Variants in DIAPH1 observed in about 807,000 individuals in gnomAD.
DIAPH1 encodes the protein diaphanous related formin 1.
In DIAPH1, 46 loss-of-function variants were observed where a neutral mutation model predicts 140.7. The ratio of observed to expected loss-of-function variants is 0.33; its 90% confidence interval spans 0.26 to 0.42. DIAPH1 has a LOEUF of 0.42. Ranked by LOEUF, DIAPH1 falls within the 10% of genes least tolerant of loss-of-function variation. The probability of loss-of-function intolerance (pLI) is 1.00; values close to 1 mark genes in which losing one functional copy is unlikely to be tolerated. For missense variants in DIAPH1, 1,310 were observed against 1,558.7 expected (o/e 0.84, Z 2.69); for synonymous variants, 565 against 551.6 (o/e 1.02, Z -0.34).
At position 141,573,778 on chromosome 5, in the gene DIAPH1, G is replaced by A; in HGVS notation, c.2072C>T (p.Pro691Leu). 1 of 1,441,838 alleles carries A rather than the reference G, an allele frequency of 6.9e-7. No homozygotes were observed. Among genetic ancestry groups the A allele is most frequent in the Non-Finnish European group, 9.3e-7 (1 of 1,077,178 alleles). 89.3% of individuals were successfully genotyped at this position (1,441,838 alleles called of 1,614,324 possible). The change falls in exon 16 of 28, where the codon CCA (proline) becomes CTA (leucine). Residue 691 changes from proline (P) to leucine (L), a missense_variant. Transcript: ENST00000389054. ...TCCAGCACTCCCAGGCAAAGGAGGT[G>A]GTGGTGGGGGGATTCTAGCACTCCC... ...LPGSARIPPP[P>L]PPLPGSAGIP...
rs1562274709 is a variant in DIAPH1 at position 141,516,757 on chromosome 5, C to G, written c.*94G>C. Reference sequence around the variant, plus strand: ...GGTCAGGGTGGTGGGAGTGGCCACCCCAGAGGAATATCCCCTTGAGCCTTT... The same window carrying G: ...GGTCAGGGTGGTGGGAGTGGCCACCGCAGAGGAATATCCCCTTGAGCCTTT... On this transcript the variant is annotated 3_prime_UTR_variant, in exon 28 of 28. Transcript: ENST00000389054. 27 of 1,480,602 alleles carry G rather than the reference C, an allele frequency of 1.8e-5. No homozygotes were observed. The highest frequency in any genetic ancestry group is 2.5e-5 in the Non-Finnish European group (27 of 1,070,906). 91.7% of individuals were successfully genotyped at this position (1,480,602 alleles called of 1,614,324 possible).
At chr5:141,588,473 G>GAAAAAAAAAA (rs368869644) in intron 1 of DIAPH1, among the ~76,000 whole-genome samples, 3 of 86,642 alleles carry the variant, frequency 3.5e-5, no homozygotes, top group Admixed American at 1.2e-4. Flanking sequence ...TCTTAAAAAG[G>GAAAAAAAAAA]AAAAAAAAAA....
At position 141,523,840 on chromosome 5, in the gene DIAPH1, A is replaced by T. The variant is rs761111947; in HGVS notation, c.3661+303T>A. 1.5e-4 allele frequency among the ~76,000 whole-genome samples: 23 copies of T among 151,720 alleles called. 1 individual carries two copies. The highest frequency in any genetic ancestry group is 3.1e-4 in the Non-Finnish European group (21 of 67,964). On this transcript the variant is annotated intron_variant, in intron 27 of 27. Transcript: ENST00000389054. ...TTTAGATCAACTTTTGTTCATACAC[A>T]CAAATGCCAACTCAAATCCCTGGGT...
intron 1 of DIAPH1, among the ~76,000 whole-genome samples, chr5:141,604,491 G>A (rs1405188783): frequency 2.6e-5 from 4 of 152,000 alleles, no homozygotes; most frequent in Non-Finnish European, 5.9e-5. Flanking sequence ...TTTCCCAATC[G>A]CCGTAGCAAC....
Position 141,526,364 on chromosome 5 carries a change from A to C in DIAPH1, c.3371T>G (p.Phe1124Cys). ...TTCAACAGACAACTTCTTGGGGTCA[A>C]AGAGGAAGTACTCGCCCAGCTCCTT... is the stretch of plus-strand genomic sequence containing the variant. ...LYKELGEYFL[F>C]DPKKLSVEEF... The change falls in exon 25 of 28, where the codon TTT becomes TGT. Residue 1124 changes from phenylalanine (F) to cysteine (C), a missense_variant. Phe to Cys is a radical substitution (Grantham distance 205). Around this residue, in one of 3 missense-constraint regions of DIAPH1, gnomAD observed 344 missense variants for 512.2 expected, o/e 0.67. Coordinates refer to ENST00000389054, the MANE Select transcript of DIAPH1 (RefSeq NM_005219.5). 2 of 1,614,208 alleles carry C rather than the reference A, an allele frequency of 1.2e-6. No individual in the cohort carries two copies. The highest frequency in any genetic ancestry group is 1.7e-6 in the Non-Finnish European group (2 of 1,180,024).
At chr5:141,610,495 T>C (rs2099901641) in intron 1 of DIAPH1, among the ~76,000 whole-genome samples, 1 of 152,030 alleles carries the variant, frequency 6.6e-6, no homozygotes, top group African/African-American at 2.4e-5. Flanking sequence ...GAGACGGGGT[T>C]TCACCATGTT....
intron 18 of DIAPH1, chr5:141,563,557 T>C (rs2099893918): frequency 6.6e-6 from 1 of 152,114 alleles, no homozygotes; most frequent in Admixed American, 6.6e-5. Flanking sequence ...TGTACCAAGA[T>C]GTTAGAAGTT....
chr5:141,572,315 CT>C (rs1177870174), intron 16 of DIAPH1, among the ~76,000 whole-genome samples: 1 of 152,206 alleles, frequency 6.6e-6, no homozygotes, highest in African/African-American at 2.4e-5. Context: ...ACCATTAAGG[CT>C]TTATTTCAGA....
chr5:141,529,731 C>T lies in DIAPH1; in HGVS notation c.2582-34G>A, dbSNP rs1403418209. ...AAATGAGATATTAAGACATGTTCTT[C>T]TCGGTCTGTTCCCGCTTCCAACCCA... On this transcript the variant is annotated intron_variant, in intron 19 of 27. Coordinates refer to ENST00000389054, the MANE Select transcript of DIAPH1 (RefSeq NM_005219.5). The T allele has an allele frequency of 3.2e-6, 5 of 1,581,140 alleles. No homozygotes were observed. In the African/African-American group the frequency reaches 6.7e-5, roughly 21 times the overall value.
rs550002643 is a variant in DIAPH1, at chr5:141,588,689, T to C, written c.118-439A>G. Among the ~76,000 whole-genome samples the C allele has an allele frequency of 3.3e-3, 498 of 152,308 alleles. 4 individuals carry two copies. Among genetic ancestry groups the C allele is most frequent in the Non-Finnish European group, 5.6e-3 (383 of 68,038 alleles). The stretch of plus-strand genomic sequence containing the variant: ...CTCTTGGTGGTACTATAGAATGCTA[T>C]AGCCACTTTGGAAAACAGTAAGGCA... On this transcript the variant is annotated intron_variant, in intron 1 of 27. Transcript: ENST00000389054.
intron 2 of DIAPH1, among the ~76,000 whole-genome samples, chr5:141,587,819 ATCT>A (rs1182148512): frequency 6.6e-6 from 1 of 152,238 alleles, no homozygotes; most frequent in Non-Finnish European, 1.5e-5. Context: ...TATATATGCC[ATCT>A]CTCTGCCAAA....
intron 18 of DIAPH1, among the ~76,000 whole-genome samples, chr5:141,569,124 C>T (rs1211401221): frequency 1.3e-5 from 2 of 152,092 alleles, no homozygotes; most frequent in Admixed American, 6.6e-5. Flanking sequence ...CGGCATATCC[C>T]CTTTCTTGCA....
intron 18 of DIAPH1, among the ~76,000 whole-genome samples, chr5:141,556,007 C>A (rs1439026714): frequency 1.3e-5 from 2 of 152,138 alleles, no homozygotes; most frequent in African/African-American, 4.8e-5. Flanking sequence ...TTCCCTTGGG[C>A]AAGGGAATAG....
At chr5:141,536,190 T>C (rs779865026) in intron 18 of DIAPH1, 2 of 306,658 alleles carry the variant, frequency 6.5e-6, no homozygotes, top group Non-Finnish European at 1.4e-5. Context: ...TAGTCCCTGC[T>C]ACTCAGGAGG....
At chr5:141,533,658 G>A (rs891084230) in intron 19 of DIAPH1, among the ~76,000 whole-genome samples, 5 of 152,252 alleles carry the variant, frequency 3.3e-5, no homozygotes, top group Middle Eastern at 3.4e-3. Flanking sequence ...ACCAGCCTGG[G>A]CAACATAGCG....
chr5:141,542,294 A>G (rs1281136586), intron 18 of DIAPH1, among the ~76,000 whole-genome samples: 3 of 151,936 alleles, frequency 2.0e-5, no homozygotes, highest in African/African-American at 7.3e-5. Flanking sequence ...TTAGCTGGGC[A>G]TGGTGGCGCA....
At chr5:141,527,488 G>T in intron 24 of DIAPH1, 85 bp downstream of exon 24, 1 of 1,456,762 alleles carries the variant, frequency 6.9e-7, no homozygotes, top group Non-Finnish European at 9.4e-7. Context: ...ATTGCATACT[G>T]CCCTATCTAT....
chr5:141,537,101 G>A (rs1432932363), intron 18 of DIAPH1, among the ~76,000 whole-genome samples: 1 of 152,072 alleles, frequency 6.6e-6, no homozygotes, highest in Non-Finnish European at 1.5e-5. Context: ...CCAGGAGGTT[G>A]AGGCTGCAGT....
In DIAPH1 at chr5:141,582,388, G is replaced by T. The variant is rs754176879; in HGVS notation, c.621-13C>A. The T allele has an allele frequency of 1.3e-6, 2 of 1,597,772 alleles. No individual in the cohort carries two copies. Among genetic ancestry groups the T allele is most frequent in the Non-Finnish European group, 1.7e-6 (2 of 1,165,184 alleles). ...GCTATCGTAACTCCTGTATATAGAA[G>T]ACATAATCAGTGAGGTCCCTTTATT... On this transcript the variant is annotated splice_polypyrimidine_tract_variant and intron_variant, in intron 6 of 27. Transcript: ENST00000389054.
Sources: allele counts gnomAD v4.1 joint callset (sites outside exome capture counted in the v4.1 genomes callset), GRCh38; gene constraint gnomAD v4.1.1; regional missense constraint gnomAD v4.1.1; transcripts MANE v1.5; gene names NCBI Gene and HGNC (gene_info 2026-07-23, HGNC 2026-07-21).